CNBD2: variants seen among roughly 807,000 people sequenced by gnomAD.
The protein encoded by CNBD2 is cyclic nucleotide-binding domain-containing protein 2.
A neutral mutation model predicts 63.7 loss-of-function variants in CNBD2; 64 were observed. The observed-to-expected ratio is 1.00, with a 90% CI of 0.82 to 1.24. The LOEUF (loss-of-function observed/expected upper bound fraction) is 1.24, where lower values mean the gene tolerates loss of function less well. Among genes scored for constraint, CNBD2 ranks in the 50% most tolerant of loss-of-function variants. CNBD2 has a pLI of 0.00. For synonymous variants in CNBD2, 229 were observed against 255.4 expected, an observed-to-expected ratio of 0.90 and a Z score of 0.99; for missense variants, 691 against 713.5, an observed-to-expected ratio of 0.97 and a Z score of 0.36.
chr20:35,971,496 A>G (rs1021646835), intron 1 of CNBD2, among the ~76,000 whole-genome samples: 101 of 151,760 alleles, frequency 6.7e-4, no homozygotes, highest in African/African-American at 2.2e-3. Flanking sequence ...GCTCACTGCA[A>G]CCTCTGCCTC....
At position 35,975,927 on chromosome 20, in the gene CNBD2, C is replaced by A. The variant is rs1463227186; in HGVS notation, c.190-22C>A. 5 of 1,609,676 alleles carry A rather than the reference C, an allele frequency of 3.1e-6. No homozygotes were observed. The South Asian group carries it at 5.5e-5, about 18-fold the overall frequency. Reference sequence around the variant, plus strand: ...GGCAGTCTTGCTGATTCTCCCTCTTCTCCCTGCCCTCTTTCTTTCAGAAAA... The same window carrying A: ...GGCAGTCTTGCTGATTCTCCCTCTTATCCCTGCCCTCTTTCTTTCAGAAAA... On this transcript the variant is annotated intron_variant, in intron 2 of 11. Coordinates refer to ENST00000373973, the MANE Select transcript of CNBD2 (RefSeq NM_001365709.1).
At chr20:35,967,501 A>G (rs1222801527), upstream of CNBD2, among the ~76,000 whole-genome samples, 1 of 150,102 alleles carries the variant, frequency 6.7e-6, no homozygotes, top group African/African-American at 2.5e-5. Context: ...GGATGCTACA[A>G]ATGGAGAGCA....
Position 36,028,302 on chromosome 20 carries a change from G to A in CNBD2, c.1440-2055G>A, listed in dbSNP as rs530851060. On this transcript the variant is annotated intron_variant, in intron 11 of 11. Transcript: ENST00000373973. ...TCCGCCCTGCTCAGTCAGCATTTGC[G>A]GCCCTCATCTAGAATGCTGACCCAC... 2.7e-3 allele frequency among the ~76,000 whole-genome samples: 418 copies of A among 152,088 alleles called. 1 individual carries two copies. The highest frequency in any genetic ancestry group is 4.8e-3 in the Non-Finnish European group (328 of 67,996).
chr20:35,968,786 T>G lies in CNBD2; in HGVS notation c.24T>G (p.Tyr8Ter). Residue 8 changes from tyrosine to a stop codon, truncating the protein, a stop_gained, in exon 1 of 12, where the codon TAT (tyrosine) becomes TAG (stop). Transcript: ENST00000373973. LOFTEE classifies it high-confidence loss of function. The stretch of plus-strand genomic sequence containing the variant: ...CCATGAGGAGACATATGGTAACTTA[T>G]GCCTGGCAGCTCCTGAAGAAGGAAC... MRRHMVT[Y>*]AWQLLKKELG... is the part of the protein sequence containing the mutation. The G allele has an allele frequency of 6.2e-7, 1 of 1,609,234 alleles. No homozygotes were observed. Among genetic ancestry groups the G allele is most frequent in the Non-Finnish European group, 8.5e-7 (1 of 1,178,398 alleles).
intron 11 of CNBD2, among the ~76,000 whole-genome samples, chr20:36,028,041 A>G (rs897441684): frequency 1.3e-5 from 2 of 152,174 alleles, no homozygotes; most frequent in Non-Finnish European, 2.9e-5. Context: ...TGTGAGAAAA[A>G]CAAGCTGAAA....
chr20:36,012,671 C>A (rs1432693798), intron 10 of CNBD2, among the ~76,000 whole-genome samples: 1 of 150,106 alleles, frequency 6.7e-6, no homozygotes, highest in Non-Finnish European at 1.5e-5. Context: ...ACTAAAAATG[C>A]AAAATTAGCC....
In CNBD2 at chr20:36,030,631, C is replaced by T. The variant is rs750499821; in HGVS notation, c.1714C>T (p.Arg572Ter). The change falls in exon 12 of 12, where the codon CGA becomes TGA. Residue 572 changes from arginine to a stop codon, truncating the protein, a stop_gained. Transcript: ENST00000373973. LOFTEE classifies it high-confidence loss of function. ...CATCAAAGCACCTCGGTACAAAATC[C>T]GAGAACTCTTGGCTTAGTGTAAGAG... Reference protein sequence around the residue: ...QAIKAPRYKIRELLA With the variant: ...QAIKAPRYKI 1.8e-5 allele frequency: 29 copies of T among 1,614,026 alleles called. No homozygotes were observed. Among genetic ancestry groups the T allele is most frequent in the African/African-American group, 2.7e-5 (2 of 74,902 alleles).
intron 1 of CNBD2, among the ~76,000 whole-genome samples, chr20:35,972,376 T>TG (rs2147201606): frequency 6.6e-6 from 1 of 152,330 alleles, no homozygotes; most frequent in Admixed American, 6.5e-5. Context: ...AACTAGCTTC[T>TG]GGGGAGAGAT....
chr20:35,960,247 A>G (rs1043001809), downstream of CNBD2, among the ~76,000 whole-genome samples: 1 of 152,182 alleles, frequency 6.6e-6, no homozygotes, highest in African/African-American at 2.4e-5. Context: ...ACTAAAGTTC[A>G]GAAAGTAGAA....
chr20:35,994,594 A>G (rs1001761390), intron 7 of CNBD2, among the ~76,000 whole-genome samples: 7 of 151,418 alleles, frequency 4.6e-5, no homozygotes, highest in African/African-American at 9.7e-5. Context: ...AAAAAGAAAA[A>G]AAAAAAGCAC....
Position 35,995,053 on chromosome 20 carries a change from C to A in CNBD2, c.871C>A (p.Leu291Met). 4 of 1,614,060 alleles carry A rather than the reference C, an allele frequency of 2.5e-6. No individual in the cohort carries two copies. Among genetic ancestry groups the A allele is most frequent in the Non-Finnish European group, 3.4e-6 (4 of 1,179,892 alleles). The change falls in exon 8 of 12, where the codon CTG becomes ATG. Residue 291 changes from leucine (L) to methionine (M), a missense_variant. Physicochemically the swap from Leu to Met is conservative, Grantham distance 15. Coordinates refer to ENST00000373973, the MANE Select transcript of CNBD2 (RefSeq NM_001365709.1). Reference sequence around the variant, plus strand: ...CTGTGTTCAGGGCAGCTGTGAAGTCCTGCGGCTGTTGGACCTTGGGGCCTC... The same window carrying A: ...CTGTGTTCAGGGCAGCTGTGAAGTCATGCGGCTGTTGGACCTTGGGGCCTC... The part of the protein sequence containing the change: ...MFISKGSCEV[L>M]RLLDLGASPS...
downstream of CNBD2, among the ~76,000 whole-genome samples, chr20:35,960,345 A>T (rs892535856): frequency 2.6e-5 from 4 of 152,196 alleles, no homozygotes; most frequent in Non-Finnish European, 4.4e-5. Context: ...ATTTCATTTG[A>T]CAGAGTCTGT....
chr20:35,995,264 A>T, intron 8 of CNBD2, 112 bp downstream of exon 8: 3 of 653,224 alleles, frequency 4.6e-6, no homozygotes, highest in South Asian at 2.0e-5. Flanking sequence ...AGCGTATATC[A>T]TCTGCACCCT....
In CNBD2 at chr20:35,984,902, G is replaced by A. The variant is rs1343044199; in HGVS notation, c.716+124G>A. On this transcript the variant is annotated intron_variant, in intron 6 of 11. Transcript: ENST00000373973. The stretch of plus-strand genomic sequence containing the variant: ...TTCTCTCTGTCTGGGATGCTCTGAA[G>A]TCCCACCTCGTACCCACCTTCTCTC... The A allele has an allele frequency of 4.3e-6, 4 of 931,030 alleles. No individual in the cohort carries two copies. The South Asian group carries it at 4.5e-5, about 11-fold the overall frequency. 57.7% of individuals were successfully genotyped at this position (931,030 alleles called of 1,614,324 possible).
rs1161396555 is a variant in CNBD2 at position 35,972,751 on chromosome 20, C to T, written c.174C>T (p.Ile58=). 6.2e-7 allele frequency: 1 copy of T among 1,614,188 alleles called. No individual in the cohort carries two copies. Among genetic ancestry groups the T allele is most frequent in the Non-Finnish European group, 8.5e-7 (1 of 1,180,034 alleles). The change falls in exon 2 of 12, where the codon ATC becomes ATT. Residue 58 remains isoleucine (I), a synonymous_variant. Coordinates refer to ENST00000373973, the MANE Select transcript of CNBD2 (RefSeq NM_001365709.1). ...IIETAHWKHP[I]FSFWDKKMQS... is the part of the protein sequence containing the mutation. ...AGACTGCTCACTGGAAGCACCCTAT[C>T]TTCTCCTTCTGGGATGTAAGCAGTT...
chr20:35,969,082 G>A (rs6060729), intron 1 of CNBD2, among the ~76,000 whole-genome samples: 4 of 151,906 alleles, frequency 2.6e-5, no homozygotes. Flanking sequence ...GAGAACGAGG[G>A]AGGATAGAGT....
At chr20:36,023,903 C>G (rs2057252306) in intron 11 of CNBD2, 132 bp downstream of exon 11, 2 of 713,832 alleles carry the variant, frequency 2.8e-6, no homozygotes, top group East Asian at 5.7e-5. Flanking sequence ...GTTGTTGGTA[C>G]ACTCTAGATA....
chr20:35,991,668 G>C (rs1000163432), intron 7 of CNBD2, among the ~76,000 whole-genome samples: 12 of 152,254 alleles, frequency 7.9e-5, no homozygotes, highest in African/African-American at 2.9e-4. Flanking sequence ...ATTACATTCT[G>C]ACTGGCAGAA....
In CNBD2 at chr20:35,968,771, ACATAT is replaced by A; in HGVS notation, c.10_14del (p.His4GlyfsTer29). On this transcript the variant is annotated frameshift_variant, in exon 1 of 12. Transcript: ENST00000373973. LOFTEE classifies it high-confidence loss of function. Reference sequence around the variant, plus strand: ...TTGCCTGCACAGGAACCATGAGGAGACATATGGTAACTTATGCCTGGCAGCTCCTG... The same window carrying A: ...TTGCCTGCACAGGAACCATGAGGAGAGGTAACTTATGCCTGGCAGCTCCTG... The A allele has an allele frequency of 2.5e-6, 4 of 1,608,774 alleles. No homozygotes were observed. Among genetic ancestry groups the A allele is most frequent in the Non-Finnish European group, 3.4e-6 (4 of 1,178,160 alleles).
Sources: allele counts gnomAD v4.1 joint callset (sites outside exome capture counted in the v4.1 genomes callset), GRCh38; gene constraint gnomAD v4.1.1; transcripts MANE v1.5; gene names NCBI Gene and HGNC (gene_info 2026-07-23, HGNC 2026-07-21).